CAPG: variants seen among roughly 807,000 people sequenced by gnomAD.
CAPG encodes the protein capping actin protein, gelsolin like, also known as macrophage-capping protein.
CAPG carries 32 observed loss-of-function variants against 44.6 expected under a neutral mutation model. The ratio of observed to expected loss-of-function variants is 0.72; its 90% CI spans 0.54 to 0.96. CAPG has a LOEUF of 0.96. Ranked by LOEUF, CAPG falls within the 50% of genes least tolerant of loss-of-function variation. The pLI is 0.00. For missense variants in CAPG, 412 were observed against 438.3 expected, an observed-to-expected ratio of 0.94 and a Z score of 0.54; for synonymous variants, 175 against 179.6, an observed-to-expected ratio of 0.97 and a Z score of 0.20.
At chr2:85,403,542 T>C (rs889356101) in intron 1 of CAPG, among the ~76,000 whole-genome samples, 6 of 152,166 alleles carry the variant, frequency 3.9e-5, no homozygotes, top group African/African-American at 1.4e-4. Context: ...AAATATATTA[T>C]GCAAAAAGAA....
intron 5 of CAPG, among the ~76,000 whole-genome samples, chr2:85,399,583 T>C (rs7581471): frequency 0.47 from 72,125 of 151,986 alleles, 18,251 homozygotes; most frequent in African/African-American, 0.65. Flanking sequence ...CTTGACGTCA[T>C]GGGCTCAAGC....
At chr2:85,410,985 T>A (rs1573193311), upstream of CAPG, among the ~76,000 whole-genome samples, 2 of 151,822 alleles carry the variant, frequency 1.3e-5, no homozygotes, top group Admixed American at 1.3e-4. Context: ...CTCAGCCTCC[T>A]GAGCAGCTGA....
Position 85,394,757 on chromosome 2 carries a change from G to T in CAPG, c.*136C>A, listed in dbSNP as rs1686502749. On this transcript the variant is annotated 3_prime_UTR_variant, in exon 10 of 10. Transcript: ENST00000263867. ...GAATCAGCCCAGGGCAGGTGGTGCA[G>T]GAAAAGAGCTGGGAAAGCACTTGTC... The T allele has an allele frequency of 1.4e-6, 1 of 731,596 alleles. No homozygotes were observed. Among genetic ancestry groups the T allele is most frequent in the African/African-American group, 1.7e-5 (1 of 57,750 alleles). 45.3% of individuals were successfully genotyped at this position (731,596 alleles called of 1,614,324 possible).
intron 1 of CAPG, 107 bp from the exon 2 acceptor site, chr2:85,402,265 A>G: frequency 1.2e-6 from 1 of 805,596 alleles, no homozygotes; most frequent in East Asian, 2.7e-5. Context: ...ATATTCATCA[A>G]CTACTCCACC....
At chr2:85,399,401 C>T (rs35666320) in intron 5 of CAPG, 116 bp from the exon 6 acceptor site, 143,026 of 1,133,368 alleles carry the variant, frequency 0.13, 9,723 homozygotes, top group Non-Finnish European at 0.14. Flanking sequence ...TGAGGCAGGA[C>T]AACCAGGAAG....
chr2:85,402,218 G>A, intron 1 of CAPG, 60 bp from the exon 2 acceptor site: 1 of 1,400,854 alleles, frequency 7.1e-7, no homozygotes, highest in Non-Finnish European at 9.9e-7. Flanking sequence ...CTCTCACGTG[G>A]GGCTGGAGAG....
intron 1 of CAPG, among the ~76,000 whole-genome samples, chr2:85,415,849 CTTTT>C (rs1687539280): frequency 2.6e-5 from 4 of 152,148 alleles, no homozygotes; most frequent in African/African-American, 9.6e-5. Context: ...TGCTTTTTTT[CTTTT>C]TTCTTTTTTT....
chr2:85,415,836 GGCT>G (rs1318770218), intron 1 of CAPG, among the ~76,000 whole-genome samples: 1 of 152,134 alleles, frequency 6.6e-6, no homozygotes, highest in African/African-American at 2.4e-5. Context: ...TTCAATGAAA[GGCT>G]GCTTTTTTTC....
At chr2:85,401,365 G>A in intron 4 of CAPG, 36 bp from the exon 5 acceptor site, 1 of 1,606,678 alleles carries the variant, frequency 6.2e-7, no homozygotes, top group Non-Finnish European at 8.5e-7. Flanking sequence ...TGGACTGACA[G>A]GAGACCCAGA....
Position 85,395,287 on chromosome 2 carries a change from C to T in CAPG, c.981+251G>A, listed in dbSNP as rs747893821. 1.3e-5 allele frequency among the ~76,000 whole-genome samples: 2 copies of T among 152,198 alleles called. No individual in the cohort carries two copies. Among genetic ancestry groups the T allele is most frequent in the Non-Finnish European group, 2.9e-5 (2 of 68,034 alleles). ...GAGGGGTGGCACCAGCCAGGGACAA[C>T]GGCCCAGAGGAGGAGTACCCAGTTC... On this transcript the variant is annotated intron_variant, in intron 9 of 9. Transcript: ENST00000263867. The surrounding 1 kb of genome is among the most constrained non-coding windows in gnomAD (Gnocchi z 4.3).
chr2:85,394,804 G>A lies in CAPG; in HGVS notation c.*89C>T. ...TGTCTCCTTTATTGAACATCTGCAG[G>A]GGGCACCTCTGCACTGACCAGGCAG... On this transcript the variant is annotated 3_prime_UTR_variant, in exon 10 of 10. Transcript: ENST00000263867. The A allele has an allele frequency of 1.1e-6, 1 of 892,346 alleles. No homozygotes were observed. The highest frequency in any genetic ancestry group is 1.3e-5 in the South Asian group (1 of 76,374). The allele number at this position is 892,346 out of a possible 1,614,324, so 55.3% of individuals were successfully genotyped here.
chr2:85,398,968 C>T (rs1173597305), intron 6 of CAPG, among the ~76,000 whole-genome samples, 168 bp downstream of exon 6: 6 of 152,220 alleles, frequency 3.9e-5, no homozygotes, highest in Admixed American at 3.3e-4. Flanking sequence ...GCCTCGAGGA[C>T]GAGCATCTAC....
intron 1 of CAPG, among the ~76,000 whole-genome samples, chr2:85,417,816 G>C (rs974010266): frequency 3.3e-5 from 5 of 152,020 alleles, no homozygotes; most frequent in Admixed American, 6.6e-5. Context: ...GCTCTTGAAG[G>C]CCCAGACCTT....
chr2:85,409,291 G>A (rs909790981), intron 1 of CAPG, among the ~76,000 whole-genome samples: 7 of 152,200 alleles, frequency 4.6e-5, no homozygotes, highest in African/African-American at 1.7e-4. Flanking sequence ...AGGGGCTAGG[G>A]GTCCCAGACT....
chr2:85,402,239 G>C, intron 1 of CAPG, 81 bp from the exon 2 acceptor site: 2 of 1,103,136 alleles, frequency 1.8e-6, no homozygotes, highest in Admixed American at 4.1e-5. Flanking sequence ...GCCCTTTCCA[G>C]TGGCCAAGTA....
intron 7 of CAPG, 139 bp downstream of exon 7, chr2:85,398,551 A>G (rs551570491): frequency 7.0e-6 from 5 of 710,838 alleles, no homozygotes; most frequent in African/African-American, 3.5e-5. Flanking sequence ...CCAGCCCTGT[A>G]TAACTCCCCA....
upstream of CAPG, among the ~76,000 whole-genome samples, chr2:85,410,713 C>G (rs919768748): frequency 6.6e-6 from 1 of 152,316 alleles, no homozygotes; most frequent in South Asian, 2.1e-4. Context: ...GGGGCAGGCG[C>G]GGCACAGCCC....
chr2:85,415,105 A>C (rs1279617410), upstream of CAPG, among the ~76,000 whole-genome samples: 1 of 152,220 alleles, frequency 6.6e-6, no homozygotes, highest in Admixed American at 6.5e-5. Context: ...TCCAGCAAGG[A>C]GTCCTCGGAA....
downstream of CAPG, among the ~76,000 whole-genome samples, chr2:85,392,821 C>T (rs966465591): frequency 5.3e-5 from 8 of 152,242 alleles, no homozygotes; most frequent in Middle Eastern, 3.4e-3. Flanking sequence ...AGCTGCAGCT[C>T]GGCCTCCACT....
Sources: allele counts gnomAD v4.1 joint callset (sites outside exome capture counted in the v4.1 genomes callset), GRCh38; gene constraint gnomAD v4.1.1; non-coding constraint Gnocchi (gnomAD v3.1); transcripts MANE v1.5; gene names NCBI Gene and HGNC (gene_info 2026-07-23, HGNC 2026-07-21).